The following ALK variants were observed in gnomAD, a reference collection of about 807,000 sequenced individuals.
ALK encodes ALK tyrosine kinase receptor.
Under a neutral mutation model 163.1 loss-of-function variants are expected in ALK, and 74 were observed. That is an observed-to-expected ratio of 0.45 (90% CI 0.38 to 0.55). The LOEUF (loss-of-function observed/expected upper bound fraction) is 0.55. Among genes scored for constraint, ALK ranks in the 20% least tolerant of loss-of-function variants. ALK has a pLI of 0.00. For synonymous variants in ALK, 960 were observed against 843.2 expected, an observed-to-expected ratio of 1.14 and a Z score of -2.40; for missense variants, 2,063 against 2,105.3, an observed-to-expected ratio of 0.98 and a Z score of 0.39.
At chr2:29,613,915 G>C (rs999247081) in intron 3 of ALK, among the ~76,000 whole-genome samples, 4 of 152,046 alleles carry the variant, frequency 2.6e-5, no homozygotes, top group African/African-American at 4.8e-5. Flanking sequence ...TCAGGAAAAA[G>C]GGGGGGTTCT....
chr2:29,844,166 T>G (rs1665777951), intron 1 of ALK, among the ~76,000 whole-genome samples: 1 of 152,172 alleles, frequency 6.6e-6, no homozygotes, highest in Non-Finnish European at 1.5e-5. Flanking sequence ...AAGAAGGAGT[T>G]GTCTGGACAA....
chr2:29,721,430 A>G (rs572491266), intron 1 of ALK, among the ~76,000 whole-genome samples: 5 of 152,296 alleles, frequency 3.3e-5, no homozygotes, highest in Non-Finnish European at 5.9e-5. Context: ...GACCCTCAGG[A>G]TGGCCCGGGA....
chr2:29,860,333 T>C (rs1253955405), intron 1 of ALK, among the ~76,000 whole-genome samples: 2 of 147,494 alleles, frequency 1.4e-5, no homozygotes, highest in African/African-American at 5.0e-5. Context: ...TGCTCAACTA[T>C]GAGGATGGGT....
At chr2:29,605,498 G>C (rs957729396) in intron 3 of ALK, among the ~76,000 whole-genome samples, 1 of 152,178 alleles carries the variant, frequency 6.6e-6, no homozygotes, top group African/African-American at 2.4e-5. Flanking sequence ...TTTGGAGGCG[G>C]GGCCTTTGGG....
chr2:29,856,841 TC>T (rs1666152386), intron 1 of ALK, among the ~76,000 whole-genome samples: 2 of 152,284 alleles, frequency 1.3e-5, no homozygotes, highest in Admixed American at 6.5e-5. Flanking sequence ...CAAATGAAGT[TC>T]CTGAGTTAGA....
At chr2:29,723,151 A>G (rs1679469612) in intron 1 of ALK, among the ~76,000 whole-genome samples, 1 of 152,118 alleles carries the variant, frequency 6.6e-6, no homozygotes, top group South Asian at 2.1e-4. Context: ...GCCCCACAGG[A>G]TCTGGCTCCT....
chr2:29,498,482 G>A (rs1332085539), intron 4 of ALK, among the ~76,000 whole-genome samples: 2 of 152,102 alleles, frequency 1.3e-5, no homozygotes, highest in Non-Finnish European at 2.9e-5. Context: ...TCCGTAAAAT[G>A]GGAGTAATGG....
At chr2:29,211,281 C>T (rs1330887866) in intron 24 of ALK, among the ~76,000 whole-genome samples, 2 of 152,138 alleles carry the variant, frequency 1.3e-5, no homozygotes, top group South Asian at 4.1e-4. Context: ...AAGCATAACA[C>T]ATATGACATC....
intron 12 of ALK, 133 bp downstream of exon 12, chr2:29,250,972 C>G (rs187789304): frequency 1.3e-5 from 11 of 825,252 alleles, no homozygotes; most frequent in East Asian, 2.7e-5. Flanking sequence ...CTTTATACCC[C>G]CTATGGGCCT....
chr2:29,769,016 T>C (rs1339024746), intron 1 of ALK, among the ~76,000 whole-genome samples: 1 of 152,054 alleles, frequency 6.6e-6, no homozygotes, highest in Non-Finnish European at 1.5e-5. Context: ...GCATTTTTTA[T>C]ACAGATAGGG....
chr2:29,564,621 A>G (rs1674126314), intron 3 of ALK, among the ~76,000 whole-genome samples: 1 of 152,088 alleles, frequency 6.6e-6, no homozygotes, highest in Admixed American at 6.6e-5. Flanking sequence ...TTTCCCTCTT[A>G]AAAATAGAAA....
At chr2:29,575,271 T>C (rs946438340) in intron 3 of ALK, among the ~76,000 whole-genome samples, 14 of 152,116 alleles carry the variant, frequency 9.2e-5, no homozygotes, top group African/African-American at 3.1e-4. Flanking sequence ...CCAAAAATAA[T>C]ACATTTTGCT....
chr2:29,218,968 G>T (rs113233303), intron 23 of ALK, among the ~76,000 whole-genome samples: 196 of 152,330 alleles, frequency 1.3e-3, no homozygotes, highest in African/African-American at 4.4e-3. Flanking sequence ...TCCCAGAGGG[G>T]ACCACTGGAT....
chr2:29,527,161 T>C (rs556220162), intron 4 of ALK, among the ~76,000 whole-genome samples: 50 of 152,324 alleles, frequency 3.3e-4, no homozygotes, highest in African/African-American at 1.1e-3. Flanking sequence ...TCCATAACCA[T>C]GCTGCAAATT....
intron 3 of ALK, among the ~76,000 whole-genome samples, chr2:29,544,260 G>A (rs193068788): frequency 2.2e-4 from 33 of 152,222 alleles, no homozygotes; most frequent in Admixed American, 1.7e-3. Context: ...AGTACCTTCC[G>A]CAGAACACCA....
At chr2:29,724,547 C>T (rs567088994) in intron 1 of ALK, among the ~76,000 whole-genome samples, 13 of 152,164 alleles carry the variant, frequency 8.5e-5, no homozygotes, top group East Asian at 7.7e-4. Flanking sequence ...CTAGAGTTAG[C>T]GGTGATGGGC....
chr2:29,688,807 AG>A (rs1224375687), intron 3 of ALK, among the ~76,000 whole-genome samples: 2 of 152,210 alleles, frequency 1.3e-5, no homozygotes, highest in Non-Finnish European at 2.9e-5. Flanking sequence ...TTCTAAAATA[AG>A]AGGTTTGCTA....
At chr2:29,473,438 G>T (rs1422428412) in intron 4 of ALK, among the ~76,000 whole-genome samples, 1 of 152,138 alleles carries the variant, frequency 6.6e-6, no homozygotes, top group Non-Finnish European at 1.5e-5. Context: ...AGCAGTAAAT[G>T]GAAAGGCAAG....
At position 29,921,556 on chromosome 2, in the gene ALK, C is replaced by T. The variant is rs955167871; in HGVS notation, c.-897G>A. ...CGGGAGGTACCAGCTGCTACCACCG[C>T]TGCCGCCCCCAGAGCCGCTGGATCG... On this transcript the variant is annotated 5_prime_UTR_variant, in exon 1 of 29. Coordinates refer to ENST00000389048, the MANE Select transcript of ALK (RefSeq NM_004304.5). 4.3e-6 allele frequency: 1 copy of T among 231,368 alleles called. No individual in the cohort carries two copies. Among genetic ancestry groups the T allele is most frequent in the African/African-American group, 2.2e-5 (1 of 45,232 alleles). 14.3% of individuals were successfully genotyped at this position (231,368 alleles called of 1,614,324 possible).
Sources: allele counts gnomAD v4.1 joint callset (sites outside exome capture counted in the v4.1 genomes callset), GRCh38; gene constraint gnomAD v4.1.1; transcripts MANE v1.5; gene names NCBI Gene and HGNC (gene_info 2026-07-23, HGNC 2026-07-21).